The following BRMS1 variants were observed in gnomAD, a reference collection of about 807,000 sequenced individuals.
BRMS1 encodes the protein breast cancer metastasis-suppressor 1.
In BRMS1, 26 loss-of-function variants were observed where a neutral mutation model predicts 40.4. That is an observed-to-expected ratio of 0.64 (90% CI 0.47 to 0.89). The LOEUF (loss-of-function observed/expected upper bound fraction) is 0.89, where lower values mean the gene tolerates loss of function less well. Ranked by LOEUF, BRMS1 falls within the 40% of genes least tolerant of loss-of-function variation. The pLI is 0.00. For missense variants in BRMS1, 289 were observed against 309.4 expected (o/e 0.93, Z 0.49); for synonymous variants, 103 against 116.0 (o/e 0.89, Z 0.72).
intron 1 of BRMS1, 145 bp downstream of exon 1, chr11:66,344,827 G>A (rs1248550527): frequency 6.6e-6 from 1 of 152,292 alleles, no homozygotes. Flanking sequence ...GCGCCGGAGC[G>A]GGCCGGAATA....
intron 7 of BRMS1, 110 bp downstream of exon 7, chr11:66,340,011 G>A: frequency 7.4e-6 from 6 of 808,234 alleles, no homozygotes; most frequent in East Asian, 2.6e-5. Context: ...AAGCAACCAC[G>A]AGTGCATCTA....
chr11:66,342,064 G>GTGTGTA (rs2134966280), intron 2 of BRMS1, 32 bp downstream of exon 2: 1 of 1,603,660 alleles, frequency 6.2e-7, no homozygotes, highest in Non-Finnish European at 8.5e-7. Context: ...CTCTGTGTGT[G>GTGTGTA]TGTGTGTGTG....
In BRMS1 at chr11:66,337,740, T is replaced by G; in HGVS notation, c.*142A>C. On this transcript the variant is annotated 3_prime_UTR_variant, in exon 10 of 10. Coordinates refer to ENST00000359957, the MANE Select transcript of BRMS1 (RefSeq NM_015399.4). ...GAGTCCAGGCCAGTGCCAGATGGAG[T>G]GGGAGGGCCCAGCAGCACCACAGGA... is the stretch of plus-strand genomic sequence containing the variant. The G allele has an allele frequency of 6.2e-7, 1 of 1,611,958 alleles. No homozygotes were observed. Among genetic ancestry groups the G allele is most frequent in the Non-Finnish European group, 8.5e-7 (1 of 1,179,482 alleles).
rs1169236233 is a variant in BRMS1, at chr11:66,344,986, C to A, written c.-22G>T. On this transcript the variant is annotated 5_prime_UTR_variant, in exon 1 of 10. Transcript: ENST00000359957. ...ACGATACGCACCGCGGGGACTGGAG[C>A]CTCTGGCCTCACGACGGAGATTCCC... 4 of 152,284 alleles carry A rather than the reference C, an allele frequency of 2.6e-5. No homozygotes were observed. The highest frequency in any genetic ancestry group is 7.2e-5 in the African/African-American group (3 of 41,474). The allele number at this position is 152,284 out of a possible 1,614,324, so 9.4% of individuals were successfully genotyped here.
At position 66,342,245 on chromosome 11, in the gene BRMS1, G is replaced by A; in HGVS notation, c.-7-4C>T. 6.2e-7 allele frequency: 1 copy of A among 1,612,032 alleles called. No homozygotes were observed. Among genetic ancestry groups the A allele is most frequent in the African/African-American group, 1.3e-5 (1 of 74,972 alleles). On this transcript the variant is annotated splice_polypyrimidine_tract_variant and splice_region_variant and intron_variant, in intron 1 of 9. Coordinates refer to ENST00000359957, the MANE Select transcript of BRMS1 (RefSeq NM_015399.4). ...AGGCTGGACAGGCATCTGGACTCTG[G>A]GAGAAGGAATGGAGCTATCACTTAT... is the stretch of plus-strand genomic sequence containing the variant.
chr11:66,338,121 T>C, intron 9 of BRMS1, 122 bp downstream of exon 9: 1 of 1,400,822 alleles, frequency 7.1e-7, no homozygotes, highest in Non-Finnish European at 9.8e-7. Flanking sequence ...CCATCCTAAC[T>C]TTCTTGAGCC....
chr11:66,339,836 G>A lies in BRMS1; in HGVS notation c.628+285C>T, dbSNP rs1051134843. Reference sequence around the variant, plus strand: ...GGTCTCGAAAAGAACTCCTGGGCCCGAGCAATCTACCCGCCTTGGCCTCCC... The same window carrying A: ...GGTCTCGAAAAGAACTCCTGGGCCCAAGCAATCTACCCGCCTTGGCCTCCC... On this transcript the variant is annotated intron_variant, in intron 7 of 9. Transcript: ENST00000359957. The A allele has an allele frequency of 2.8e-5, 9 of 327,042 alleles. No individual in the cohort carries two copies. In the South Asian group the frequency reaches 2.8e-4, roughly 10 times the overall value. The allele number at this position is 327,042 out of a possible 1,614,324, so 20.3% of individuals were successfully genotyped here.
At chr11:66,338,525 C>T in intron 8 of BRMS1, 196 bp downstream of exon 8, 1 of 1,529,690 alleles carries the variant, frequency 6.5e-7, no homozygotes, top group East Asian at 2.5e-5. Context: ...AAGGGGCTGA[C>T]ACAGACTAGA....
chr11:66,340,287 A>G lies in BRMS1; in HGVS notation c.536-74T>C, dbSNP rs1230451672. ...TCCCTTTTCTGTAGCCTCTGCCTCC[A>G]CCATGGGCCGGCCTGGCCTCATCTC... On this transcript the variant is annotated intron_variant, in intron 6 of 9. Coordinates refer to ENST00000359957, the MANE Select transcript of BRMS1 (RefSeq NM_015399.4). 10 of 1,369,276 alleles carry G rather than the reference A, an allele frequency of 7.3e-6. No individual in the cohort carries two copies. In the East Asian group the frequency reaches 2.3e-4, roughly 32 times the overall value. The allele number at this position is 1,369,276 out of a possible 1,614,324, so 84.8% of individuals were successfully genotyped here.
chr11:66,338,540 C>T (rs1237370304), intron 8 of BRMS1, 181 bp downstream of exon 8: 1 of 1,537,600 alleles, frequency 6.5e-7, no homozygotes. Context: ...ACTAGAAATC[C>T]CTTTTCCCAG....
intron 9 of BRMS1, 128 bp from the exon 10 acceptor site, chr11:66,338,017 A>G: frequency 8.2e-7 from 1 of 1,212,924 alleles, no homozygotes; most frequent in Non-Finnish European, 1.2e-6. Context: ...GCCCTCCCTG[A>G]CCCCTCCTGA....
intron 1 of BRMS1, among the ~76,000 whole-genome samples, chr11:66,342,540 T>C (rs74317146): frequency 0.012 from 1,775 of 152,320 alleles, 35 homozygotes; most frequent in African/African-American, 0.039. Flanking sequence ...CACTCTCCAC[T>C]GCCTTTGCAA....
At chr11:66,340,737 G>A (rs1469642059) in intron 6 of BRMS1, 37 bp downstream of exon 6, 8 of 1,558,628 alleles carry the variant, frequency 5.1e-6, no homozygotes, top group Non-Finnish European at 7.0e-6. Flanking sequence ...GGACTGAGCG[G>A]GGCCCAGTTC....
At chr11:66,339,589 C>T (rs963123396) in intron 7 of BRMS1, among the ~76,000 whole-genome samples, 6 of 152,174 alleles carry the variant, frequency 3.9e-5, no homozygotes, top group African/African-American at 7.2e-5. Context: ...GCTGGGGACC[C>T]GCTCGGACAA....
chr11:66,341,460 T>C lies in BRMS1; in HGVS notation c.230+73A>G. On this transcript the variant is annotated intron_variant, in intron 3 of 9. Coordinates refer to ENST00000359957, the MANE Select transcript of BRMS1 (RefSeq NM_015399.4). The surrounding 1 kb of genome is among the most constrained non-coding windows in gnomAD (Gnocchi z 4.9). ...GCACTTCCTGGGCACCAACCACGCC[T>C]GCCCAGTACCAGGCCCACCACCTCC... 1.2e-6 allele frequency: 2 copies of C among 1,603,134 alleles called. No individual in the cohort carries two copies. The highest frequency in any genetic ancestry group is 2.2e-5 in the South Asian group (2 of 90,834).
chr11:66,341,064 A>G lies in BRMS1; in HGVS notation c.359-18T>C. The G allele has an allele frequency of 6.2e-7, 1 of 1,613,226 alleles. No individual in the cohort carries two copies. Among genetic ancestry groups the G allele is most frequent in the East Asian group, 2.2e-5 (1 of 44,858 alleles). On this transcript the variant is annotated intron_variant, in intron 4 of 9. Transcript: ENST00000359957. The surrounding 1 kb of genome is among the most constrained non-coding windows in gnomAD (Gnocchi z 4.9). ...GTAGATCCCTGCAGAGAAAGGGAGG[A>G]GGGTCCCTGCTTGGCTGGGGAGCCC...
At position 66,338,750 on chromosome 11, in the gene BRMS1, T is replaced by C. The variant is rs752803795; in HGVS notation, c.664A>G (p.Ile222Val). Reference sequence around the variant, plus strand: ...TTGATGGCTGTCCAGTCCTCCAGGATGTCGATCTCTTGAAGCATGTACACG... The same window carrying C: ...TTGATGGCTGTCCAGTCCTCCAGGACGTCGATCTCTTGAAGCATGTACACG... Reference protein sequence around the residue: ...YIVYMLQEIDILEDWTAIKKA... With the variant: ...YIVYMLQEIDVLEDWTAIKKA... The change falls in exon 8 of 10, where the codon ATC (isoleucine) becomes GTC (valine). Residue 222 changes from isoleucine to valine, a missense_variant. By Grantham distance (29) the Ile-to-Val change is conservative (BLOSUM62 3). Transcript: ENST00000359957. 1 of 1,593,196 alleles carries C rather than the reference T, an allele frequency of 6.3e-7. No homozygotes were observed. Among genetic ancestry groups the C allele is most frequent in the Non-Finnish European group, 8.6e-7 (1 of 1,168,844 alleles).
chr11:66,342,248 G>A lies in BRMS1; in HGVS notation c.-7-7C>T. Reference sequence around the variant, plus strand: ...CTGGACAGGCATCTGGACTCTGGGAGAAGGAATGGAGCTATCACTTATGGC... The same window carrying A: ...CTGGACAGGCATCTGGACTCTGGGAAAAGGAATGGAGCTATCACTTATGGC... On this transcript the variant is annotated splice_polypyrimidine_tract_variant and splice_region_variant and intron_variant, in intron 1 of 9. Coordinates refer to ENST00000359957, the MANE Select transcript of BRMS1 (RefSeq NM_015399.4). 1.2e-6 allele frequency: 2 copies of A among 1,611,672 alleles called. No homozygotes were observed. Among genetic ancestry groups the A allele is most frequent in the Non-Finnish European group, 1.7e-6 (2 of 1,179,924 alleles).
intron 1 of BRMS1, among the ~76,000 whole-genome samples, chr11:66,343,445 T>C (rs776789735): frequency 3.9e-5 from 6 of 152,102 alleles, no homozygotes; most frequent in Non-Finnish European, 8.8e-5. Flanking sequence ...GTTTACAAGT[T>C]CCTGGGAGAC....
Sources: allele counts gnomAD v4.1 joint callset (sites outside exome capture counted in the v4.1 genomes callset), GRCh38; gene constraint gnomAD v4.1.1; non-coding constraint Gnocchi (gnomAD v3.1); transcripts MANE v1.5; gene names NCBI Gene and HGNC (gene_info 2026-07-23, HGNC 2026-07-21).